DPP10: variants seen among roughly 807,000 people sequenced by gnomAD.
DPP10 encodes the protein dipeptidyl peptidase like 10, also known as inactive dipeptidyl peptidase 10.
DPP10 carries 33 observed loss-of-function variants against 120.9 expected under a neutral mutation model. The ratio of observed to expected loss-of-function variants is 0.27; its 90% confidence interval spans 0.21 to 0.37. The LOEUF is 0.37. Ranked by LOEUF, DPP10 falls within the 10% of genes least tolerant of loss-of-function variation. The pLI is 1.00. For missense variants in DPP10, 816 were observed against 942.8 expected (o/e 0.87, Z 1.76); for synonymous variants, 337 against 326.1 (o/e 1.03, Z -0.36).
intron 1 of DPP10, among the ~76,000 whole-genome samples, chr2:114,931,232 C>T (rs1366262413): frequency 6.6e-6 from 1 of 152,008 alleles, no homozygotes; most frequent in Admixed American, 6.5e-5. Context: ...TAAAGGAATA[C>T]CTGAAGCTGG....
At chr2:114,984,176 G>C (rs1389843988) in intron 1 of DPP10, among the ~76,000 whole-genome samples, 1 of 152,096 alleles carries the variant, frequency 6.6e-6, no homozygotes, top group Non-Finnish European at 1.5e-5. Flanking sequence ...CCATTATGCT[G>C]CCACAAGTGA....
At chr2:114,531,239 C>A (rs557246657) in intron 1 of DPP10, among the ~76,000 whole-genome samples, 19 of 152,092 alleles carry the variant, frequency 1.2e-4, no homozygotes, top group Non-Finnish European at 2.6e-4. Context: ...TGGGACAGGA[C>A]AACCAAAACC....
intron 1 of DPP10, among the ~76,000 whole-genome samples, chr2:114,848,086 G>A (rs1387135648): frequency 6.6e-6 from 1 of 152,156 alleles, no homozygotes; most frequent in Non-Finnish European, 1.5e-5. Context: ...GCCCAGGGCA[G>A]GTGGGAGACT....
Position 115,192,855 on chromosome 2 carries a change from T to C in DPP10, c.61-116384T>C, listed in dbSNP as rs190165241. On this transcript the variant is annotated intron_variant, in intron 1 of 25. Transcript: ENST00000410059. ...TTAAGAAAAACCCATTGTGCTTTGA[T>C]TTTAATAAAAAATTAAAATAAATTT... is the stretch of plus-strand genomic sequence containing the variant. Among the ~76,000 whole-genome samples, 359 of 151,766 alleles carry C rather than the reference T, an allele frequency of 2.4e-3. 1 individual carries two copies. The highest frequency in any genetic ancestry group is 8.5e-3 in the African/African-American group (352 of 41,540).
chr2:114,547,375 C>T (rs1687503170), intron 1 of DPP10, among the ~76,000 whole-genome samples: 2 of 152,260 alleles, frequency 1.3e-5, no homozygotes, highest in South Asian at 2.1e-4. Context: ...GGCACCTGCT[C>T]CCAGGGAGTG....
Position 115,845,695 on chromosome 2 carries a change from C to G in DPP10, c.*3350C>G, listed in dbSNP as rs1049362020. On this transcript the variant is annotated 3_prime_UTR_variant, in exon 26 of 26. Coordinates refer to ENST00000410059, the MANE Select transcript of DPP10 (RefSeq NM_020868.6). ...ATTTTTCCCCTCCACAAGAAATTATCACTGTGAATATTACAGGAGGAGAAA... is the reference window on the plus strand; with the variant it reads ...ATTTTTCCCCTCCACAAGAAATTATGACTGTGAATATTACAGGAGGAGAAA... 1 of 152,192 alleles carries G rather than the reference C, an allele frequency of 6.6e-6. No homozygotes were observed. The highest frequency in any genetic ancestry group is 2.4e-5 in the African/African-American group (1 of 41,454). The allele number at this position is 152,192 out of a possible 1,614,324, so 9.4% of individuals were successfully genotyped here.
At chr2:115,369,975 G>T (rs1404742646) in intron 3 of DPP10, among the ~76,000 whole-genome samples, 1 of 152,076 alleles carries the variant, frequency 6.6e-6, no homozygotes, top group African/African-American at 2.4e-5. Context: ...AGATTTGACT[G>T]TACAAAAACT....
chr2:115,169,759 C>T lies in DPP10; in HGVS notation c.61-139480C>T, dbSNP rs181743444. 2.2e-4 allele frequency among the ~76,000 whole-genome samples: 33 copies of T among 152,276 alleles called. 1 individual carries two copies. Among genetic ancestry groups the T allele is most frequent in the African/African-American group, 7.7e-4 (32 of 41,576 alleles). On this transcript the variant is annotated intron_variant, in intron 1 of 25. Coordinates refer to ENST00000410059, the MANE Select transcript of DPP10 (RefSeq NM_020868.6). Reference sequence around the variant, plus strand: ...AACCGACTTTACATTTGGGAATGTTCTCCAGCCAAGCTATGTATTATCTAA... The same window carrying T: ...AACCGACTTTACATTTGGGAATGTTTTCCAGCCAAGCTATGTATTATCTAA...
At chr2:115,555,351 CAGAAA>C (rs1319122369) in intron 5 of DPP10, among the ~76,000 whole-genome samples, 2 of 151,918 alleles carry the variant, frequency 1.3e-5, no homozygotes, top group Non-Finnish European at 2.9e-5. Context: ...TGGAACCACA[CAGAAA>C]AGAAGTGAAA....
intron 1 of DPP10, among the ~76,000 whole-genome samples, chr2:115,294,020 T>G (rs1342571919): frequency 6.6e-6 from 1 of 152,146 alleles, no homozygotes; most frequent in Non-Finnish European, 1.5e-5. Flanking sequence ...AGTCTGTTAG[T>G]GTATATACTT....
intron 1 of DPP10, among the ~76,000 whole-genome samples, chr2:114,940,396 C>A (rs1377743156): frequency 6.6e-6 from 1 of 152,038 alleles, no homozygotes; most frequent in East Asian, 1.9e-4. Context: ...CAGAGTGTAT[C>A]TGCTCTAGGG....
chr2:115,058,556 C>G (rs185960267), intron 1 of DPP10, among the ~76,000 whole-genome samples: 1 of 152,244 alleles, frequency 6.6e-6, no homozygotes, highest in South Asian at 2.1e-4. Flanking sequence ...CCTGCCACCA[C>G]GCCCGGCTAA....
chr2:114,566,867 A>G (rs1182700176), intron 1 of DPP10, among the ~76,000 whole-genome samples: 4 of 152,204 alleles, frequency 2.6e-5, no homozygotes, highest in South Asian at 2.1e-4. Context: ...TTTAGGTTAG[A>G]TTTGTAAGAT....
At chr2:115,229,379 AT>A (rs2105475285) in intron 1 of DPP10, among the ~76,000 whole-genome samples, 1 of 152,148 alleles carries the variant, frequency 6.6e-6, no homozygotes, top group East Asian at 1.9e-4. Context: ...TTTTAACTTG[AT>A]ATGATTCCAT....
At chr2:115,098,654 C>T (rs955719063) in intron 1 of DPP10, among the ~76,000 whole-genome samples, 2 of 152,032 alleles carry the variant, frequency 1.3e-5, no homozygotes, top group Admixed American at 6.6e-5. Context: ...TTTATCAAAA[C>T]GTCATTATGC....
At chr2:114,521,575 A>T (rs1022376386) in intron 1 of DPP10, among the ~76,000 whole-genome samples, 1 of 152,166 alleles carries the variant, frequency 6.6e-6, no homozygotes, top group African/African-American at 2.4e-5. Flanking sequence ...AGGAAAATTT[A>T]AAATATTTGT....
chr2:115,425,161 T>C (rs1574805803), intron 3 of DPP10, among the ~76,000 whole-genome samples: 1 of 152,222 alleles, frequency 6.6e-6, no homozygotes, highest in Non-Finnish European at 1.5e-5. Flanking sequence ...CCTAAAAGGG[T>C]TTATTTAATA....
chr2:114,518,097 T>A lies in DPP10; in HGVS notation c.60+75259T>A, dbSNP rs1019854860. Reference sequence around the variant, plus strand: ...TTTTTTTTTTTTTTTTTTTTTTTTTTAGATAGAGTCCTGCTCTATCACCCA... The same window carrying A: ...TTTTTTTTTTTTTTTTTTTTTTTTTAAGATAGAGTCCTGCTCTATCACCCA... On this transcript the variant is annotated intron_variant, in intron 1 of 25. Coordinates refer to ENST00000410059, the MANE Select transcript of DPP10 (RefSeq NM_020868.6). Among the ~76,000 whole-genome samples, 7 of 99,026 alleles carry A rather than the reference T, an allele frequency of 7.1e-5. No homozygotes were observed. In the East Asian group the frequency reaches 8.9e-4, roughly 13 times the overall value. The allele number at this position is 99,026 out of a possible 152,430, so 65.0% of individuals were successfully genotyped here. A position where few individuals can be genotyped will look rare whatever the true frequency, so the allele number is the denominator to read the frequency against.
intron 13 of DPP10, among the ~76,000 whole-genome samples, chr2:115,776,973 T>C (rs1041060516): frequency 1.3e-5 from 2 of 152,054 alleles, no homozygotes; most frequent in African/African-American, 2.4e-5. Flanking sequence ...TGATTCACCC[T>C]CACCTGGAGG....
Sources: gnomAD v4.1 joint callset for allele counts (sites outside exome capture counted in the v4.1 genomes callset) on GRCh38, gnomAD v4.1.1 for gene constraint, MANE v1.5 for transcripts, NCBI Gene and HGNC (gene_info 2026-07-23, HGNC 2026-07-21) for gene names.